The following IKZF2 variants were observed in gnomAD, a reference collection of about 807,000 sequenced individuals.
The protein encoded by IKZF2 is IKAROS family zinc finger 2.
IKZF2 carries 15 observed loss-of-function variants against 49.2 expected under a neutral mutation model. That is an observed-to-expected ratio of 0.30 (90% confidence interval 0.20 to 0.47). The LOEUF is 0.47. Among genes scored for constraint, IKZF2 ranks in the 20% least tolerant of loss-of-function variants. The probability of loss-of-function intolerance (pLI) is 1.00; values close to 1 mark genes in which losing one functional copy is unlikely to be tolerated. For missense variants in IKZF2, 567 were observed against 664.6 expected (o/e 0.85, Z 1.61); for synonymous variants, 227 against 221.4 (o/e 1.03, Z -0.23).
chr2:213,037,086 T>G (rs1699106598), intron 6 of IKZF2, among the ~76,000 whole-genome samples: 1 of 152,114 alleles, frequency 6.6e-6, no homozygotes, highest in African/African-American at 2.4e-5. Context: ...GAAGGGAAAA[T>G]GTGAAATGGC....
chr2:213,008,111 GTA>G, intron 8 of IKZF2, 27 bp from the exon 9 acceptor site: 2 of 1,274,866 alleles, frequency 1.6e-6, no homozygotes, highest in South Asian at 2.2e-5. Flanking sequence ...GGTGAAAGAA[GTA>G]AAAAAAAAAA....
intron 4 of IKZF2, among the ~76,000 whole-genome samples, chr2:213,129,967 C>A (rs2060419263): frequency 6.6e-6 from 1 of 152,078 alleles, no homozygotes; most frequent in Non-Finnish European, 1.5e-5. Flanking sequence ...AAGAAATAAA[C>A]TGAGAAAGAG....
In IKZF2 at chr2:213,002,619, G is replaced by C. The variant is rs1293175793; in HGVS notation, c.*4741C>G. 1 of 151,840 alleles carries C rather than the reference G, an allele frequency of 6.6e-6. No homozygotes were observed. The highest frequency in any genetic ancestry group is 1.5e-5 in the Non-Finnish European group (1 of 67,522). The allele number at this position is 151,840 out of a possible 1,614,324, so 9.4% of individuals were successfully genotyped here. ...CCCATTGCAAGTAATACACAACCATGATATGAAACCATTTGAGATTATGCT... is the reference window on the plus strand; with the variant it reads ...CCCATTGCAAGTAATACACAACCATCATATGAAACCATTTGAGATTATGCT... On this transcript the variant is annotated 3_prime_UTR_variant, in exon 9 of 9. Coordinates refer to ENST00000434687, the MANE Select transcript of IKZF2 (RefSeq NM_001387220.1).
chr2:213,062,098 T>G (rs917712455), intron 4 of IKZF2, among the ~76,000 whole-genome samples: 1 of 151,680 alleles, frequency 6.6e-6, no homozygotes, highest in African/African-American at 2.4e-5. Flanking sequence ...AATATATTAA[T>G]TTTAAATTTT....
At chr2:213,101,082 T>G (rs1055655105) in intron 4 of IKZF2, among the ~76,000 whole-genome samples, 30 of 151,874 alleles carry the variant, frequency 2.0e-4, no homozygotes, top group African/African-American at 6.3e-4. Context: ...CTAAACAAAA[T>G]CACCTATTTT....
intron 7 of IKZF2, among the ~76,000 whole-genome samples, chr2:213,016,767 A>G (rs963147468): frequency 2.0e-5 from 3 of 152,108 alleles, no homozygotes; most frequent in Non-Finnish European, 2.9e-5. Flanking sequence ...CGGCAAAACC[A>G]TAAGTGTATT....
At chr2:213,029,014 T>C (rs1268432525) in intron 6 of IKZF2, among the ~76,000 whole-genome samples, 1 of 152,124 alleles carries the variant, frequency 6.6e-6, no homozygotes, top group Admixed American at 6.5e-5. Context: ...ATTCCTAAGA[T>C]AAATCCCACT....
chr2:213,126,115 G>C (rs2060250984), intron 4 of IKZF2, among the ~76,000 whole-genome samples: 1 of 151,996 alleles, frequency 6.6e-6, no homozygotes, highest in South Asian at 2.1e-4. Context: ...CTGCTCTTTA[G>C]CCCCACACTA....
rs118092962 is a variant in IKZF2 at position 213,018,692 on chromosome 2, C to T, written c.712+3301G>A. Among the ~76,000 whole-genome samples, 1,514 of 152,238 alleles carry T rather than the reference C, an allele frequency of 9.9e-3. 81 individuals are homozygous for T. Among genetic ancestry groups the T allele is most frequent in the Admixed American group, 0.08 (1,226 of 15,262 alleles). Reference sequence around the variant, plus strand: ...AGAAGACTCTGTCTTTGCATCACAACCTACTAATTCAGAAGCTTCATTTCC... The same window carrying T: ...AGAAGACTCTGTCTTTGCATCACAATCTACTAATTCAGAAGCTTCATTTCC... On this transcript the variant is annotated intron_variant, in intron 7 of 8. Coordinates refer to ENST00000434687, the MANE Select transcript of IKZF2 (RefSeq NM_001387220.1).
At chr2:213,032,157 CAGAA>C (rs1698501687) in intron 6 of IKZF2, among the ~76,000 whole-genome samples, 1 of 152,048 alleles carries the variant, frequency 6.6e-6, no homozygotes, top group African/African-American at 2.4e-5. Context: ...AAAAAGTAAA[CAGAA>C]AGGCTAGTAA....
At position 213,104,633 on chromosome 2, in the gene IKZF2, C is replaced by T. The variant is rs77009929; in HGVS notation, c.139+43075G>A. 9.3e-4 allele frequency among the ~76,000 whole-genome samples: 142 copies of T among 152,270 alleles called. 2 individuals are homozygous for T. The East Asian group carries it at 0.025, about 27-fold the overall frequency. On this transcript the variant is annotated intron_variant, in intron 4 of 8. Transcript: ENST00000434687. Reference sequence around the variant, plus strand: ...GCAGAGTACGAGGCACTATTTTAAACACTGATAAGGGCACGCATAGAAGCA... The same window carrying T: ...GCAGAGTACGAGGCACTATTTTAAATACTGATAAGGGCACGCATAGAAGCA...
At position 213,001,182 on chromosome 2, in the gene IKZF2, C is replaced by A. The variant is rs1160284953; in HGVS notation, c.*6178G>T. 4 of 151,868 alleles carry A rather than the reference C, an allele frequency of 2.6e-5. No individual in the cohort carries two copies. Among genetic ancestry groups the A allele is most frequent in the African/African-American group, 7.3e-5 (3 of 41,372 alleles). The allele number at this position is 151,868 out of a possible 1,614,324, so 9.4% of individuals were successfully genotyped here. A position where few individuals can be genotyped will look rare whatever the true frequency, so the allele number is the denominator to read the frequency against. ...AGCAGAAGCAATCATTCTGGGATTG[C>A]AAATAACACATGGTCTAAAAGGTCC... On this transcript the variant is annotated 3_prime_UTR_variant, in exon 9 of 9. Coordinates refer to ENST00000434687, the MANE Select transcript of IKZF2 (RefSeq NM_001387220.1).
intron 6 of IKZF2, among the ~76,000 whole-genome samples, chr2:213,027,442 C>G (rs952695215): frequency 4.6e-5 from 7 of 152,012 alleles, no homozygotes; most frequent in Admixed American, 2.6e-4. Flanking sequence ...CCACTTACCC[C>G]TTCCTCTGAG....
intron 4 of IKZF2, 77 bp from the exon 5 acceptor site, chr2:213,057,176 T>C (rs1701243876): frequency 1.4e-5 from 18 of 1,279,220 alleles, no homozygotes; most frequent in Non-Finnish European, 1.9e-5. Flanking sequence ...CTACTCATTG[T>C]CATCCTACTA....
intron 4 of IKZF2, among the ~76,000 whole-genome samples, chr2:213,071,410 G>A (rs971186019): frequency 2.6e-5 from 4 of 152,080 alleles, no homozygotes; most frequent in Non-Finnish European, 4.4e-5. Context: ...TGAATGTAAC[G>A]AGTGAGTTTA....
chr2:213,026,102 C>T (rs1697790613), intron 6 of IKZF2, among the ~76,000 whole-genome samples: 1 of 152,034 alleles, frequency 6.6e-6, no homozygotes, highest in Non-Finnish European at 1.5e-5. Flanking sequence ...CATTCAGCAC[C>T]CTATACCATC....
At chr2:213,074,892 C>G (rs1703092531) in intron 4 of IKZF2, among the ~76,000 whole-genome samples, 1 of 152,048 alleles carries the variant, frequency 6.6e-6, no homozygotes, top group Non-Finnish European at 1.5e-5. Context: ...TAAACGTAAG[C>G]CTAAATTATT....
intron 2 of IKZF2, among the ~76,000 whole-genome samples, chr2:213,149,787 C>A (rs2371883): frequency 0.55 from 68,054 of 124,578 alleles, 18,973 homozygotes; most frequent in East Asian, 0.88. Flanking sequence ...ACCCCCCCCC[C>A]AAAAAAAAAC....
chr2:213,126,345 G>A (rs764566927), intron 4 of IKZF2, among the ~76,000 whole-genome samples: 5 of 152,138 alleles, frequency 3.3e-5, no homozygotes, highest in African/African-American at 4.8e-5. Flanking sequence ...TAAAATCTAA[G>A]CTCCTTTGAG....
Sources: allele counts gnomAD v4.1 joint callset (sites outside exome capture counted in the v4.1 genomes callset), GRCh38; gene constraint gnomAD v4.1.1; transcripts MANE v1.5; gene names NCBI Gene and HGNC (gene_info 2026-07-23, HGNC 2026-07-21).